Variants in NAA11 observed in about 807,000 individuals in gnomAD.
NAA11 encodes the protein N-alpha-acetyltransferase 11, NatA catalytic subunit.
NAA11 carries 15 observed loss-of-function variants against 16.1 expected under a neutral mutation model. The observed-to-expected ratio is 0.93, with a 90% CI of 0.62 to 1.44. The LOEUF is 1.44. NAA11 is among the 40% of genes most tolerant of loss of function. The probability of loss-of-function intolerance (pLI) is 0.00; values close to 1 mark genes in which losing one functional copy is unlikely to be tolerated. For synonymous variants in NAA11, 122 were observed against 112.4 expected (o/e 1.09, Z -0.54); for missense variants, 298 against 291.3 (o/e 1.02, Z -0.17).
intron 1 of NAA11, among the ~76,000 whole-genome samples, chr4:79,304,696 A>T (rs190528783): frequency 2.0e-5 from 3 of 152,208 alleles, no homozygotes; most frequent in Admixed American, 6.5e-5. Flanking sequence ...TGGGATTTTT[A>T]TATGGTCACA....
chr4:79,217,075 A>G, the NAA11 span, among the ~76,000 whole-genome samples: 1 of 152,332 alleles, frequency 6.6e-6, no homozygotes, highest in South Asian at 2.1e-4. Context: ...ATGTGGTTTT[A>G]TGGTAGACAA....
At chr4:79,291,660 G>A (rs796542137) in intron 2 of NAA11, among the ~76,000 whole-genome samples, 21 of 152,130 alleles carry the variant, frequency 1.4e-4, no homozygotes, top group African/African-American at 4.3e-4. Context: ...GAAGACAGAG[G>A]TTGCGGTGAG....
the NAA11 span, among the ~76,000 whole-genome samples, chr4:79,212,407 T>C: frequency 6.6e-6 from 1 of 152,214 alleles, no homozygotes; most frequent in East Asian, 1.9e-4. Flanking sequence ...TGTTGGGATG[T>C]TATAAAAGTA....
chr4:79,281,897 A>T (rs1406302346), intron 2 of NAA11, among the ~76,000 whole-genome samples: 3 of 152,270 alleles, frequency 2.0e-5, no homozygotes, highest in Non-Finnish European at 2.9e-5. Context: ...TAGAACAACA[A>T]CAACAAAATA....
the NAA11 span, among the ~76,000 whole-genome samples, chr4:79,184,757 T>C: frequency 2.0e-5 from 3 of 152,288 alleles, no homozygotes; most frequent in South Asian, 4.1e-4. Flanking sequence ...AAAACGTCTT[T>C]TGTGGAAATA....
chr4:79,295,187 G>A (rs1723181447), intron 1 of NAA11, among the ~76,000 whole-genome samples: 1 of 152,190 alleles, frequency 6.6e-6, no homozygotes, highest in Admixed American at 6.5e-5. Flanking sequence ...ATCTTATTCT[G>A]TCTTAGGGAG....
chr4:79,305,506 C>T (rs1236179990), intron 1 of NAA11, among the ~76,000 whole-genome samples: 2 of 152,138 alleles, frequency 1.3e-5, no homozygotes, highest in African/African-American at 4.8e-5. Context: ...GCTCAATGAA[C>T]AGGGCCTTCT....
At chr4:79,158,206 T>C in the NAA11 span, among the ~76,000 whole-genome samples, 1 of 152,180 alleles carries the variant, frequency 6.6e-6, no homozygotes, top group Non-Finnish European at 1.5e-5. Flanking sequence ...CGGCCTATGA[T>C]GATAAGATCT....
the NAA11 span, among the ~76,000 whole-genome samples, chr4:79,182,913 A>G: frequency 2.0e-5 from 3 of 152,282 alleles, no homozygotes; most frequent in East Asian, 3.9e-4. Context: ...AGCTTCTACT[A>G]TGTCAAGACC....
At chr4:79,247,084 G>T (rs1359255827) in intron 2 of NAA11, among the ~76,000 whole-genome samples, 3 of 152,180 alleles carry the variant, frequency 2.0e-5, no homozygotes, top group Non-Finnish European at 4.4e-5. Flanking sequence ...TGAGGCTAGG[G>T]TTCTAAAGCC....
the NAA11 span, among the ~76,000 whole-genome samples, chr4:79,186,186 G>C: frequency 4.6e-5 from 7 of 152,044 alleles, no homozygotes; most frequent in Non-Finnish European, 8.8e-5. Flanking sequence ...TGTTCCCCCC[G>C]CCTCCCGAAT....
At chr4:79,315,882 C>T (rs926466203), downstream of NAA11, among the ~76,000 whole-genome samples, 1 of 152,108 alleles carries the variant, frequency 6.6e-6, no homozygotes, top group East Asian at 1.9e-4. Context: ...TTCATTATAG[C>T]CCAAACCAGA....
chr4:79,284,055 T>C (rs1722855595), intron 2 of NAA11, among the ~76,000 whole-genome samples: 1 of 152,046 alleles, frequency 6.6e-6, no homozygotes, highest in South Asian at 2.1e-4. Flanking sequence ...GATGGGGCAG[T>C]ACATGAAAGA....
chr4:79,157,267 CCT>C, the NAA11 span, among the ~76,000 whole-genome samples: 1 of 152,060 alleles, frequency 6.6e-6, no homozygotes, highest in East Asian at 1.9e-4. Flanking sequence ...CACCTTTTCC[CCT>C]AAGTCCCCAA....
At chr4:79,286,976 T>C (rs1174079741) in intron 2 of NAA11, among the ~76,000 whole-genome samples, 1 of 152,112 alleles carries the variant, frequency 6.6e-6, no homozygotes, top group Admixed American at 6.6e-5. Context: ...AAAGATGGTA[T>C]GGTACAAAAC....
chr4:79,174,167 G>A, the NAA11 span, among the ~76,000 whole-genome samples: 4 of 152,124 alleles, frequency 2.6e-5, no homozygotes, highest in Non-Finnish European at 5.9e-5. Flanking sequence ...CACTGTATAT[G>A]AAATAGAATA....
At chr4:79,301,071 A>C (rs1723369766) in intron 1 of NAA11, among the ~76,000 whole-genome samples, 1 of 152,194 alleles carries the variant, frequency 6.6e-6, no homozygotes, top group Non-Finnish European at 1.5e-5. Flanking sequence ...TAGCAAACTG[A>C]TCTATGCATC....
intron 1 of NAA11, among the ~76,000 whole-genome samples, chr4:79,296,126 GGAAGTA>G (rs796734239): frequency 1.1e-4 from 16 of 152,292 alleles, no homozygotes; most frequent in African/African-American, 3.9e-4. Flanking sequence ...GTGTGGAAGT[GGAAGTA>G]GAAGTAGCAA....
At chr4:79,189,328 T>G in the NAA11 span, among the ~76,000 whole-genome samples, 3 of 151,860 alleles carry the variant, frequency 2.0e-5, no homozygotes, top group Non-Finnish European at 4.4e-5. Flanking sequence ...AGGGAAATAT[T>G]GGAAAGAACA....
Sources: allele counts gnomAD v4.1 joint callset (sites outside exome capture counted in the v4.1 genomes callset), GRCh38; gene constraint gnomAD v4.1.1; transcripts MANE v1.5; gene names NCBI Gene and HGNC (gene_info 2026-07-23, HGNC 2026-07-21).